TRIOBP: variants seen among roughly 807,000 people sequenced by gnomAD.
The protein encoded by TRIOBP is TRIO and F-actin-binding protein.
Under a neutral mutation model 238.8 loss-of-function variants are expected in TRIOBP, and 169 were observed. The ratio of observed to expected loss-of-function variants is 0.71; its 90% CI spans 0.62 to 0.80. The LOEUF (loss-of-function observed/expected upper bound fraction) is 0.80, where lower values mean the gene tolerates loss of function less well. Ranked by LOEUF, TRIOBP falls within the 30% of genes least tolerant of loss-of-function variation. The probability of loss-of-function intolerance (pLI) is 0.00; values close to 1 mark genes in which losing one functional copy is unlikely to be tolerated. For missense variants in TRIOBP, 2,838 were observed against 3,122.6 expected, an observed-to-expected ratio of 0.91 and a Z score of 2.17; for synonymous variants, 1,150 against 1,274.4, an observed-to-expected ratio of 0.90 and a Z score of 2.08.
chr22:37,740,488 G>T (rs1924878414), intron 10 of TRIOBP, among the ~76,000 whole-genome samples: 1 of 152,232 alleles, frequency 6.6e-6, no homozygotes, highest in Non-Finnish European at 1.5e-5. Context: ...CTGTTGCCAT[G>T]GGGAAGACGG....
At chr22:37,756,014 G>A (rs919818745) in intron 15 of TRIOBP, among the ~76,000 whole-genome samples, 1 of 152,198 alleles carries the variant, frequency 6.6e-6, no homozygotes, top group African/African-American at 2.4e-5. Context: ...CACACCTCCC[G>A]GGATGGGGAG....
intron 7 of TRIOBP, among the ~76,000 whole-genome samples, chr22:37,730,184 C>T (rs1489014875): frequency 7.9e-5 from 12 of 152,086 alleles, no homozygotes; most frequent in Admixed American, 7.2e-4. Flanking sequence ...CTCTGGAGGT[C>T]GAAGAACCCA....
chr22:37,745,018 C>A (rs907411290), intron 11 of TRIOBP, among the ~76,000 whole-genome samples: 1 of 152,088 alleles, frequency 6.6e-6, no homozygotes, highest in African/African-American at 2.4e-5. Context: ...GCGCCTGACA[C>A]CACGCCCGGC....
At chr22:37,761,793 C>T (rs546977378) in intron 17 of TRIOBP, among the ~76,000 whole-genome samples, 45 of 149,880 alleles carry the variant, frequency 3.0e-4, no homozygotes, top group African/African-American at 9.1e-4. Context: ...TGGGGTGGGA[C>T]GCAGAGGGTG....
At chr22:37,752,028 A>T (rs1925637997) in intron 12 of TRIOBP, among the ~76,000 whole-genome samples, 200 bp downstream of exon 12, 1 of 152,114 alleles carries the variant, frequency 6.6e-6, no homozygotes, top group African/African-American at 2.4e-5. Flanking sequence ...GGGGCCGTCT[A>T]GCCCCTCACA....
chr22:37,724,434 A>T lies in TRIOBP; in HGVS notation c.1878A>T (p.Thr626=), dbSNP rs762647066. 1.9e-6 allele frequency: 3 copies of T among 1,611,362 alleles called. No individual in the cohort carries two copies. In the East Asian group the frequency reaches 6.7e-5, roughly 36 times the overall value. Residue 626 remains threonine, a synonymous_variant, in exon 7 of 24, where the codon ACA becomes ACT. Transcript: ENST00000644935. ...GAGCCACACGAGATAACCCCAGAAC[A>T]TCCTGTGCCCAGCGGGACAATCCCA... ...PNRATRDNPR[T]SCAQRDNPRA...
rs1195434850 is a variant in TRIOBP at position 37,750,559 on chromosome 22, T to A, written c.5323-1213T>A. 10 of 444,532 alleles carry A rather than the reference T, an allele frequency of 2.2e-5. No homozygotes were observed. The East Asian group carries it at 7.2e-4, about 32-fold the overall frequency. The allele number at this position is 444,532 out of a possible 1,614,324, so 27.5% of individuals were successfully genotyped here. On this transcript the variant is annotated intron_variant, in intron 11 of 23. Coordinates refer to ENST00000644935, the MANE Select transcript of TRIOBP (RefSeq NM_001039141.3). ...CCTCCGTCTCAGGTGGAAGACGGGG[T>A]GGGCAGAATACAGAGCAGCGGGACA...
rs143929428 is a variant in TRIOBP, at chr22:37,773,985, T to TCCACACACAC, written c.*205_*206insCCACACACAC. 2 of 149,212 alleles carry TCCACACACAC rather than the reference T, an allele frequency of 1.3e-5. No individual in the cohort carries two copies. The highest frequency in any genetic ancestry group is 5.0e-5 in the African/African-American group (2 of 40,260). 9.2% of individuals were successfully genotyped at this position (149,212 alleles called of 1,614,324 possible). A position where few individuals can be genotyped will look rare whatever the true frequency, so the allele number is the denominator to read the frequency against. On this transcript the variant is annotated 3_prime_UTR_variant, in exon 24 of 24. Coordinates refer to ENST00000644935, the MANE Select transcript of TRIOBP (RefSeq NM_001039141.3). ...ACACGTGCACACATGTACACACGGA[T>TCCACACACAC]ACACACACACACACACACACTGCAT...
At chr22:37,737,223 G>T (rs1924716248) in intron 9 of TRIOBP, among the ~76,000 whole-genome samples, 1 of 152,184 alleles carries the variant, frequency 6.6e-6, no homozygotes, top group African/African-American at 2.4e-5. Context: ...CAGTTTCATG[G>T]TGAAGCTCAG....
At chr22:37,771,914 G>C in intron 22 of TRIOBP, 178 bp downstream of exon 22, 1 of 708,032 alleles carries the variant, frequency 1.4e-6, no homozygotes, top group South Asian at 1.5e-5. Context: ...CTGAGACTAA[G>C]AAAGGGGAAG....
chr22:37,698,961 C>T (rs144018650), intron 2 of TRIOBP, among the ~76,000 whole-genome samples: 11 of 152,106 alleles, frequency 7.2e-5, no homozygotes, highest in Admixed American at 3.9e-4. Context: ...GCCAACATGG[C>T]GAAACCCCGT....
At chr22:37,718,666 T>C (rs1923663632) in intron 6 of TRIOBP, among the ~76,000 whole-genome samples, 1 of 151,772 alleles carries the variant, frequency 6.6e-6, no homozygotes, top group African/African-American at 2.4e-5. Flanking sequence ...AAACCCGAAT[T>C]GAAAGACATT....
In TRIOBP at chr22:37,723,768, A is replaced by T. The variant is rs758949699; in HGVS notation, c.1212A>T (p.Thr404=). The T allele has an allele frequency of 6.3e-7, 1 of 1,596,210 alleles. No homozygotes were observed. Among genetic ancestry groups the T allele is most frequent in the Non-Finnish European group, 8.6e-7 (1 of 1,167,086 alleles). The part of the protein sequence containing the change: ...NRTTQRENSR[T]SCAQRDNPKA... ...CCACTCAACGAGAGAATTCCAGAAC[A>T]TCCTGTGCCCAGCGGGACAATCCCA... is the stretch of plus-strand genomic sequence containing the variant. Residue 404 remains threonine (T), a synonymous_variant, in exon 7 of 24, where the codon ACA becomes ACT. Coordinates refer to ENST00000644935, the MANE Select transcript of TRIOBP (RefSeq NM_001039141.3).
At position 37,700,025 on chromosome 22, in the gene TRIOBP, C is replaced by T. The variant is rs187504583; in HGVS notation, c.-60-1281C>T. On this transcript the variant is annotated intron_variant, in intron 2 of 23. Coordinates refer to ENST00000644935, the MANE Select transcript of TRIOBP (RefSeq NM_001039141.3). ...TCCCAAGTAGCTGGGACTACAGGTG[C>T]GTGCTACCACGCCCAGCTAATTTTT... is the stretch of plus-strand genomic sequence containing the variant. 2.2e-3 allele frequency among the ~76,000 whole-genome samples: 339 copies of T among 151,888 alleles called. 2 individuals carry two copies. The highest frequency in any genetic ancestry group is 7.6e-3 in the African/African-American group (315 of 41,434).
rs113459040 is a variant in TRIOBP at position 37,735,394 on chromosome 22, C to T, written c.5058C>T (p.Pro1686=). The part of the protein sequence containing the change: ...ATLAGLEQTG[P]LGSRSTAKGP... ...TGGCAGGCCTGGAGCAGACGGGCCC[C>T]CTGGGGAGCAGGAGCACTGCGAAGG... is the stretch of plus-strand genomic sequence containing the variant. Residue 1686 remains proline, a synonymous_variant, in exon 9 of 24, where the codon CCC becomes CCT. Transcript: ENST00000644935. 1 of 1,602,540 alleles carries T rather than the reference C, an allele frequency of 6.2e-7. No individual in the cohort carries two copies. The highest frequency in any genetic ancestry group is 8.5e-7 in the Non-Finnish European group (1 of 1,175,068).
chr22:37,711,112 A>G, intron 4 of TRIOBP, among the ~76,000 whole-genome samples: 1 of 152,228 alleles, frequency 6.6e-6, no homozygotes. Flanking sequence ...CTGAGAGTCT[A>G]GAAACCTGGG....
At chr22:37,768,204 C>T (rs959370653) in intron 19 of TRIOBP, 28 bp downstream of exon 19, 14 of 1,577,624 alleles carry the variant, frequency 8.9e-6, no homozygotes, top group Middle Eastern at 1.7e-4. Flanking sequence ...CCCAACTGCC[C>T]ACCCTGATGG....
At chr22:37,767,250 CCTGGGTG>C (rs1389716672) in intron 18 of TRIOBP, among the ~76,000 whole-genome samples, 28 of 100,158 alleles carry the variant, frequency 2.8e-4, no homozygotes, top group East Asian at 1.4e-3. Flanking sequence ...GACTCCGTCT[CCTGGGTG>C]ACAGAGTGAG....
intron 3 of TRIOBP, among the ~76,000 whole-genome samples, chr22:37,703,503 CTTTT>C (rs372141125): frequency 3.2e-5 from 4 of 124,560 alleles, no homozygotes; most frequent in Admixed American, 8.7e-5. Flanking sequence ...TGAAGGTCCT[CTTTT>C]TTTTTTTTTT....
Sources: allele counts gnomAD v4.1 joint callset (sites outside exome capture counted in the v4.1 genomes callset), GRCh38; gene constraint gnomAD v4.1.1; transcripts MANE v1.5; gene names NCBI Gene and HGNC (gene_info 2026-07-23, HGNC 2026-07-21).